The following APBA2 variants were observed in gnomAD, a reference collection of about 807,000 sequenced individuals.
APBA2 encodes amyloid beta precursor protein binding family A member 2.
APBA2 carries 30 observed loss-of-function variants against 75.0 expected under a neutral mutation model. The ratio of observed to expected loss-of-function variants is 0.40; its 90% CI spans 0.30 to 0.54. The LOEUF is 0.54. APBA2 is among the 20% of genes least tolerant of loss of function. The probability of loss-of-function intolerance (pLI) is 0.49; values close to 1 mark genes in which losing one functional copy is unlikely to be tolerated. For synonymous variants in APBA2, 444 were observed against 409.6 expected (o/e 1.08, Z -1.01); for missense variants, 801 against 1,016.1 (o/e 0.79, Z 2.88).
intron 1 of APBA2, among the ~76,000 whole-genome samples, chr15:28,904,958 C>T (rs966891695): frequency 6.6e-6 from 1 of 152,182 alleles, no homozygotes; most frequent in Non-Finnish European, 1.5e-5. Context: ...GGCCGCTGAC[C>T]TGATGGGTTG....
chr15:29,030,956 T>A (rs2040459211), intron 3 of APBA2, among the ~76,000 whole-genome samples: 1 of 152,208 alleles, frequency 6.6e-6, no homozygotes, highest in South Asian at 2.1e-4. Context: ...GTGAAGTTTA[T>A]AAAGGTACAT....
chr15:28,995,259 G>T (rs971531789), intron 2 of APBA2, among the ~76,000 whole-genome samples: 1 of 152,138 alleles, frequency 6.6e-6, no homozygotes, highest in Non-Finnish European at 1.5e-5. Flanking sequence ...TCTTGCCCAG[G>T]AGAAGGTGGG....
intron 3 of APBA2, among the ~76,000 whole-genome samples, chr15:29,050,661 T>A (rs2041552348): frequency 6.6e-6 from 1 of 152,188 alleles, no homozygotes; most frequent in Admixed American, 6.6e-5. Flanking sequence ...TGTTCCATGT[T>A]ACTGTAATGT....
intron 2 of APBA2, among the ~76,000 whole-genome samples, chr15:28,987,523 C>T (rs982786295): frequency 1.3e-5 from 2 of 151,798 alleles, no homozygotes; most frequent in African/African-American, 2.4e-5. Flanking sequence ...AGGCGGATTC[C>T]CCCAGCCTCA....
chr15:29,068,110 C>T (rs1293138641), intron 4 of APBA2, among the ~76,000 whole-genome samples: 4 of 152,206 alleles, frequency 2.6e-5, no homozygotes, highest in African/African-American at 9.7e-5. Context: ...GTGTGCAGGG[C>T]TCGAGGCCAA....
chr15:28,931,715 G>A (rs1485005877), intron 2 of APBA2, among the ~76,000 whole-genome samples: 1 of 152,160 alleles, frequency 6.6e-6, no homozygotes, highest in African/African-American at 2.4e-5. Flanking sequence ...CAGTACCTAA[G>A]GGTTAATTGG....
chr15:28,996,346 C>T (rs1472248124), intron 3 of APBA2, among the ~76,000 whole-genome samples: 3 of 151,154 alleles, frequency 2.0e-5, no homozygotes, highest in Non-Finnish European at 4.4e-5. Context: ...AAAGAGGCCT[C>T]CTCATCTTGC....
At chr15:28,953,574 C>G (rs1436748104) in intron 2 of APBA2, among the ~76,000 whole-genome samples, 1 of 152,160 alleles carries the variant, frequency 6.6e-6, no homozygotes. Flanking sequence ...TCTCCTGACA[C>G]TTTTGACCCC....
intron 11 of APBA2, 44 bp from the exon 12 acceptor site, chr15:29,106,563 G>T (rs201725142): frequency 6.2e-7 from 1 of 1,608,240 alleles, no homozygotes. Context: ...CAGAGGCCTC[G>T]GTCCTTGCCG....
Position 29,105,478 on chromosome 15 carries a change from G to C in APBA2, c.1624G>C (p.Glu542Gln). 6.2e-7 allele frequency: 1 copy of C among 1,613,946 alleles called. No individual in the cohort carries two copies. Among genetic ancestry groups the C allele is most frequent in the Non-Finnish European group, 8.5e-7 (1 of 1,180,038 alleles). ...GINPEDLSQK[E>Q]YSDIINTQEM... Reference sequence around the variant, plus strand: ...CAACCCCGAAGACTTGAGCCAGAAGGAATACAGCGACATCATCAACACCCA... The same window carrying C: ...CAACCCCGAAGACTTGAGCCAGAAGCAATACAGCGACATCATCAACACCCA... The change falls in exon 11 of 15, where the codon GAA becomes CAA. Residue 542 changes from glutamate (E) to glutamine (Q), a missense_variant. Glu to Gln is a conservative substitution (Grantham distance 29). Transcript: ENST00000683413.
chr15:29,012,839 C>T (rs181198557), intron 3 of APBA2, among the ~76,000 whole-genome samples: 1 of 152,274 alleles, frequency 6.6e-6, no homozygotes, highest in African/African-American at 2.4e-5. Context: ...CTGCTTAGGC[C>T]TATTGCCTCT....
At position 29,117,168 on chromosome 15, in the gene APBA2, G is replaced by C. The variant is rs747235389; in HGVS notation, c.*35G>C. 6.2e-7 allele frequency: 1 copy of C among 1,606,182 alleles called. No individual in the cohort carries two copies. The highest frequency in any genetic ancestry group is 1.1e-5 in the South Asian group (1 of 90,964). On this transcript the variant is annotated 3_prime_UTR_variant, in exon 15 of 15. Coordinates refer to ENST00000683413, the MANE Select transcript of APBA2 (RefSeq NM_001353788.2). ...GCCTGGCCACGCAGCCAGGACACCG[G>C]GCAGGGCCGCCCGGGCCCAGAGGAG...
chr15:29,044,960 G>A (rs890272238), intron 3 of APBA2, among the ~76,000 whole-genome samples: 3 of 152,076 alleles, frequency 2.0e-5, no homozygotes, highest in African/African-American at 7.2e-5. Flanking sequence ...TTCATAGGTG[G>A]CCATCTTCTT....
intron 6 of APBA2, among the ~76,000 whole-genome samples, chr15:29,079,466 C>T (rs1050517331): frequency 7.2e-5 from 11 of 152,162 alleles, no homozygotes; most frequent in South Asian, 2.1e-4. Context: ...GAAGCCTCTT[C>T]GACACACTGC....
chr15:28,891,373 G>T (rs1429421377), intron 1 of APBA2, among the ~76,000 whole-genome samples: 2 of 152,136 alleles, frequency 1.3e-5, no homozygotes, highest in African/African-American at 2.4e-5. Context: ...CCTGTCTCCT[G>T]CTGGGGCCCA....
chr15:28,912,955 A>C (rs750132854), intron 1 of APBA2, among the ~76,000 whole-genome samples: 15 of 152,230 alleles, frequency 9.9e-5, no homozygotes, highest in Non-Finnish European at 1.6e-4. Context: ...TGTGCTAGGC[A>C]CTGCGGTGGG....
intron 9 of APBA2, among the ~76,000 whole-genome samples, chr15:29,099,176 T>A (rs2043998864): frequency 2.0e-5 from 3 of 150,298 alleles, no homozygotes; most frequent in Admixed American, 1.3e-4. Context: ...TTTCTGATCT[T>A]TTGTGGGCAA....
At chr15:28,967,983 A>T (rs1404204804) in intron 2 of APBA2, among the ~76,000 whole-genome samples, 2 of 152,174 alleles carry the variant, frequency 1.3e-5, no homozygotes, top group Non-Finnish European at 2.9e-5. Context: ...GGCAACCACC[A>T]TTCTACTTTC....
chr15:29,091,398 G>A (rs1039707363), intron 6 of APBA2, among the ~76,000 whole-genome samples: 25 of 152,274 alleles, frequency 1.6e-4, no homozygotes, highest in African/African-American at 5.8e-4. Context: ...GCACCAACGC[G>A]AAGCTCCCCA....
Sources: gnomAD v4.1 joint callset for allele counts (sites outside exome capture counted in the v4.1 genomes callset) on GRCh38, gnomAD v4.1.1 for gene constraint, MANE v1.5 for transcripts, NCBI Gene and HGNC (gene_info 2026-07-23, HGNC 2026-07-21) for gene names.